Variants in ZNF600 observed in about 807,000 individuals in gnomAD.
ZNF600 encodes zinc finger protein KR-ZNF1.
In ZNF600, 4 loss-of-function variants were observed where a neutral mutation model predicts 7.3. The ratio of observed to expected loss-of-function variants is 0.55; its 90% confidence interval spans 0.27 to 1.25. The LOEUF (loss-of-function observed/expected upper bound fraction) is 1.25, where lower values mean the gene tolerates loss of function less well. Ranked by LOEUF, ZNF600 falls within the 50% of genes most tolerant of loss-of-function variation. ZNF600 has a pLI of 0.12. For missense variants in ZNF600, 911 were observed against 922.1 expected (o/e 0.99, Z 0.16); for synonymous variants, 290 against 308.9 (o/e 0.94, Z 0.64).
chr19:52,775,893 A>G (rs1303373026), intron 2 of ZNF600, among the ~76,000 whole-genome samples: 5 of 151,686 alleles, frequency 3.3e-5, no homozygotes, highest in Admixed American at 6.6e-5. Context: ...GTAATCCCCA[A>G]TACTCGGGAG....
At chr19:52,805,274 A>G in the ZNF600 span, 1 of 62,094 alleles carries the variant, frequency 1.6e-5, no homozygotes. Flanking sequence ...TGTCTCAAAG[A>G]AAAAAAAAAA....
the ZNF600 span, among the ~76,000 whole-genome samples, chr19:52,804,524 C>T: frequency 3.3e-5 from 5 of 152,142 alleles, no homozygotes; most frequent in African/African-American, 9.7e-5. Context: ...GCGCACGCCA[C>T]CATACACAGC....
At chr19:52,769,009 G>A (rs554510228) in intron 3 of ZNF600, among the ~76,000 whole-genome samples, 3 of 152,306 alleles carry the variant, frequency 2.0e-5, no homozygotes, top group Non-Finnish European at 4.4e-5. Context: ...ACAAGAGTGC[G>A]AGCCTTCTGT....
At chr19:52,810,896 CCCCT>C in the ZNF600 span, among the ~76,000 whole-genome samples, 24 of 17,632 alleles carry the variant, frequency 1.4e-3, 1 homozygote, top group African/African-American at 5.6e-3. Context: ...CCTCCCCCTC[CCCCT>C]CCCTCTCCCT....
At chr19:52,793,771 C>CAT in the ZNF600 span, among the ~76,000 whole-genome samples, 6 of 16,604 alleles carry the variant, frequency 3.6e-4, no homozygotes, top group Non-Finnish European at 5.3e-4. Flanking sequence ...CTGCCACACA[C>CAT]ACACACACAC....
At chr19:52,804,198 G>A in the ZNF600 span, among the ~76,000 whole-genome samples, 1 of 152,182 alleles carries the variant, frequency 6.6e-6, no homozygotes, top group Non-Finnish European at 1.5e-5. Context: ...GCTGTCACCA[G>A]GAACCAATTT....
At chr19:52,795,739 A>G in the ZNF600 span, among the ~76,000 whole-genome samples, 1 of 151,938 alleles carries the variant, frequency 6.6e-6, no homozygotes, top group Non-Finnish European at 1.5e-5. Context: ...GCTAATTTCT[A>G]TATTTTAGTC....
chr19:52,815,023 C>T, the ZNF600 span, among the ~76,000 whole-genome samples: 1 of 145,316 alleles, frequency 6.9e-6, no homozygotes, highest in Admixed American at 7.0e-5. Context: ...TCATTTTCCC[C>T]AGACTTTCAA....
At chr19:52,800,248 T>G in the ZNF600 span, 1 of 1,613,290 alleles carries the variant, frequency 6.2e-7, no homozygotes, top group South Asian at 1.1e-5. Context: ...GCTTTTGTAC[T>G]AAAAACCTTG....
At chr19:52,821,902 C>G in the ZNF600 span, among the ~76,000 whole-genome samples, 2 of 143,518 alleles carry the variant, frequency 1.4e-5, no homozygotes, top group South Asian at 4.3e-4. Context: ...GACTCCGTCT[C>G]TAAAAAAAAA....
the ZNF600 span, among the ~76,000 whole-genome samples, chr19:52,797,031 T>C: frequency 6.6e-6 from 1 of 152,222 alleles, no homozygotes; most frequent in Non-Finnish European, 1.5e-5. Context: ...ATAAAAAGGA[T>C]TGTAGATATG....
At chr19:52,827,567 TAGA>T in the ZNF600 span, among the ~76,000 whole-genome samples, 105 of 151,922 alleles carry the variant, frequency 6.9e-4, no homozygotes, top group Non-Finnish European at 1.3e-3. Flanking sequence ...CACTGAGTTA[TAGA>T]AGAAGGATTT....
upstream of ZNF600, among the ~76,000 whole-genome samples, chr19:52,788,392 G>A (rs181416644): frequency 2.0e-5 from 3 of 152,056 alleles, no homozygotes; most frequent in Admixed American, 1.3e-4. Context: ...TCTTCCTCAC[G>A]TAACATGAGT....
the ZNF600 span, among the ~76,000 whole-genome samples, chr19:52,828,350 T>C: frequency 5.7e-4 from 86 of 152,072 alleles, no homozygotes; most frequent in Non-Finnish European, 9.4e-4. Flanking sequence ...CTGCACCCGG[T>C]GGCACTTTGT....
intron 3 of ZNF600, among the ~76,000 whole-genome samples, chr19:52,769,258 C>T (rs1402088898): frequency 2.6e-5 from 4 of 152,160 alleles, no homozygotes; most frequent in South Asian, 2.1e-4. Context: ...TGCAGTTATC[C>T]GGAGGCCTAA....
the ZNF600 span, among the ~76,000 whole-genome samples, chr19:52,792,486 G>T: frequency 1.9e-4 from 29 of 152,210 alleles, no homozygotes; most frequent in African/African-American, 7.0e-4. Flanking sequence ...ACTGTGGGAG[G>T]CTGATGCAGT....
At chr19:52,823,178 A>C in the ZNF600 span, among the ~76,000 whole-genome samples, 4 of 152,126 alleles carry the variant, frequency 2.6e-5, no homozygotes, top group Non-Finnish European at 4.4e-5. Flanking sequence ...AATTTATATT[A>C]GGAAACTAAA....
chr19:52,832,876 A>C, the ZNF600 span, among the ~76,000 whole-genome samples: 146 of 152,114 alleles, frequency 9.6e-4, 1 homozygote, highest in African/African-American at 3.4e-3. Flanking sequence ...GATTCAAGTG[A>C]TTCTCCTGCC....
At chr19:52,807,825 C>G in the ZNF600 span, 4 of 1,058,238 alleles carry the variant, frequency 3.8e-6, no homozygotes, top group East Asian at 1.0e-4. Flanking sequence ...ACTGAGCTAT[C>G]ATGAAGAATG....
Sources: allele counts gnomAD v4.1 joint callset (sites outside exome capture counted in the v4.1 genomes callset), GRCh38; gene constraint gnomAD v4.1.1; transcripts MANE v1.5; gene names NCBI Gene and HGNC (gene_info 2026-07-23, HGNC 2026-07-21).